TSPAN11: variants seen among roughly 807,000 people sequenced by gnomAD.
TSPAN11 encodes the protein tetraspanin-11.
A neutral mutation model predicts 32.9 loss-of-function variants in TSPAN11; 29 were observed. The ratio of observed to expected loss-of-function variants is 0.88; its 90% CI spans 0.66 to 1.20. The LOEUF is 1.20. TSPAN11 is among the 50% of genes most tolerant of loss of function. The pLI is 0.00. For missense variants in TSPAN11, 283 were observed against 329.1 expected, an observed-to-expected ratio of 0.86 and a Z score of 1.08; for synonymous variants, 140 against 141.3, an observed-to-expected ratio of 0.99 and a Z score of 0.07.
intron 1 of TSPAN11, among the ~76,000 whole-genome samples, chr12:30,942,682 T>A (rs1938189856): frequency 6.7e-6 from 1 of 149,364 alleles, no homozygotes; most frequent in Non-Finnish European, 1.5e-5. Flanking sequence ...AGGAGCAGAG[T>A]CCTGACTAAG....
intron 3 of TSPAN11, among the ~76,000 whole-genome samples, chr12:30,967,665 C>T (rs1938760907): frequency 1.3e-5 from 2 of 151,660 alleles, no homozygotes; most frequent in South Asian, 4.2e-4. Flanking sequence ...CATGCACGCA[C>T]ACACATTCGT....
At chr12:30,927,132 G>C (rs1045435724) in intron 1 of TSPAN11, 3 of 858,266 alleles carry the variant, frequency 3.5e-6, no homozygotes, top group Non-Finnish European at 4.8e-6. Context: ...CAGCGTGCCC[G>C]GGGCATGTCT....
intron 1 of TSPAN11, among the ~76,000 whole-genome samples, chr12:30,933,949 C>A (rs557572791): frequency 3.9e-5 from 6 of 152,272 alleles, no homozygotes; most frequent in African/African-American, 1.2e-4. Context: ...CAGCAGTGAA[C>A]ACACACCGGG....
intron 3 of TSPAN11, 74 bp downstream of exon 3, chr12:30,964,091 G>A: frequency 6.5e-7 from 1 of 1,545,012 alleles, no homozygotes; most frequent in Non-Finnish European, 8.7e-7. Context: ...CAAGTGAGAG[G>A]GGCCCCAGCC....
At chr12:30,980,265 C>A (rs947679079) in intron 5 of TSPAN11, among the ~76,000 whole-genome samples, 1 of 152,204 alleles carries the variant, frequency 6.6e-6, no homozygotes, top group Non-Finnish European at 1.5e-5. Flanking sequence ...GCAAATGGAC[C>A]TCAGAGCTGT....
At chr12:30,969,040 T>TA (rs763182963) in intron 3 of TSPAN11, among the ~76,000 whole-genome samples, 67 of 152,170 alleles carry the variant, frequency 4.4e-4, no homozygotes, top group Non-Finnish European at 4.9e-4. Flanking sequence ...CACCACATTA[T>TA]AAAAAGATGG....
At chr12:31,004,248 T>C in the TSPAN11 span, among the ~76,000 whole-genome samples, 2 of 152,176 alleles carry the variant, frequency 1.3e-5, no homozygotes, top group Admixed American at 1.3e-4. Context: ...CATCCTGCCA[T>C]TGAATACCTG....
In TSPAN11 at chr12:30,954,050, T is replaced by A. The variant is rs1045981448; in HGVS notation, c.59T>A (p.Leu20His). ...DWLIIYLKYL[L>H]FVFNFFFWVG... ...CTGATCATCTACTTGAAGTATTTAC[T>A]CTTTGTCTTCAACTTCTTCTTCTGG... Residue 20 changes from leucine (L) to histidine (H), a missense_variant, in exon 2 of 8, where the codon CTC becomes CAC. By Grantham distance (99) the Leu-to-His change is moderately conservative. Transcript: ENST00000546076. The A allele has an allele frequency of 1.9e-6, 3 of 1,613,584 alleles. No homozygotes were observed. Among genetic ancestry groups the A allele is most frequent in the Non-Finnish European group, 2.5e-6 (3 of 1,179,814 alleles).
intron 1 of TSPAN11, among the ~76,000 whole-genome samples, chr12:30,928,452 T>A (rs534864053): frequency 4.6e-5 from 7 of 152,258 alleles, no homozygotes; most frequent in Middle Eastern, 3.4e-3. Context: ...GGGCCAACGC[T>A]GGACTGGGCT....
At chr12:30,978,389 T>C in intron 3 of TSPAN11, 172 bp from the exon 4 acceptor site, 1 of 643,910 alleles carries the variant, frequency 1.6e-6, no homozygotes. Context: ...AGGGAAGGAG[T>C]AAGTGGGGAA....
At chr12:30,965,184 A>C (rs1029068393) in intron 3 of TSPAN11, among the ~76,000 whole-genome samples, 54 of 152,220 alleles carry the variant, frequency 3.5e-4, no homozygotes, top group Admixed American at 2.0e-4. Context: ...TATGGGGATC[A>C]GTGCAGTTGG....
chr12:31,000,452 G>A (rs1939467014), downstream of TSPAN11, among the ~76,000 whole-genome samples: 1 of 152,204 alleles, frequency 6.6e-6, no homozygotes, highest in African/African-American at 2.4e-5. Flanking sequence ...CCTGGTCTAG[G>A]AACAAGCTGG....
In TSPAN11 at chr12:30,944,768, C is replaced by T. The variant is rs527937574; in HGVS notation, c.-11-9213C>T. Among the ~76,000 whole-genome samples the T allele has an allele frequency of 1.6e-4, 25 of 152,270 alleles. No homozygotes were observed. The South Asian group carries it at 4.3e-3, about 26-fold the overall frequency. ...AGACATTATTTAAAGTGAAATATGC[C>T]AGCTTTGTTTTTATTTTAGAAGCAC... On this transcript the variant is annotated intron_variant, in intron 1 of 7. Coordinates refer to ENST00000546076, the MANE Select transcript of TSPAN11 (RefSeq NM_001370302.1).
At chr12:30,964,136 C>T (rs767237146) in intron 3 of TSPAN11, 119 bp downstream of exon 3, 16 of 1,260,946 alleles carry the variant, frequency 1.3e-5, no homozygotes, top group African/African-American at 6.0e-5. Context: ...TGGGAGTGCC[C>T]GAGAAGGGGT....
chr12:30,961,794 C>T lies in TSPAN11; in HGVS notation c.85-2032C>T, dbSNP rs1438699489. Among the ~76,000 whole-genome samples the T allele has an allele frequency of 4.6e-5, 7 of 152,150 alleles. No homozygotes were observed. The East Asian group carries it at 1.2e-3, about 25-fold the overall frequency. The stretch of plus-strand genomic sequence containing the variant: ...TTAAGGGACTATGTTTAGGTCACAC[C>T]GCTAGTTATGCAAAGTTGGGACCCT... On this transcript the variant is annotated intron_variant, in intron 2 of 7. Coordinates refer to ENST00000546076, the MANE Select transcript of TSPAN11 (RefSeq NM_001370302.1).
chr12:30,961,956 C>T (rs1392385620), intron 2 of TSPAN11, among the ~76,000 whole-genome samples: 2 of 151,946 alleles, frequency 1.3e-5, no homozygotes, highest in Non-Finnish European at 2.9e-5. Flanking sequence ...TTGTGTGAGC[C>T]GCAGATAACC....
downstream of TSPAN11, among the ~76,000 whole-genome samples, chr12:30,999,516 A>AG (rs1327349171): frequency 3.3e-5 from 5 of 150,916 alleles, no homozygotes; most frequent in Non-Finnish European, 5.9e-5. Flanking sequence ...TCTAACACAA[A>AG]GCCTATTTTA....
At chr12:30,953,868 G>A in intron 1 of TSPAN11, 113 bp from the exon 2 acceptor site, 2 of 700,046 alleles carry the variant, frequency 2.9e-6, no homozygotes, top group Non-Finnish European at 4.8e-6. Context: ...AAAGCCCCCG[G>A]CAGATAGGTT....
intron 5 of TSPAN11, 56 bp downstream of exon 5, chr12:30,979,726 A>T (rs1472699412): frequency 6.3e-7 from 1 of 1,580,500 alleles, no homozygotes; most frequent in Non-Finnish European, 8.7e-7. Flanking sequence ...TCAAATCCCG[A>T]CTGTTCTTTC....
Sources: allele counts gnomAD v4.1 joint callset (sites outside exome capture counted in the v4.1 genomes callset), GRCh38; gene constraint gnomAD v4.1.1; transcripts MANE v1.5; gene names NCBI Gene and HGNC (gene_info 2026-07-23, HGNC 2026-07-21).